STOX1: variants seen among roughly 807,000 people sequenced by gnomAD.
STOX1 encodes storkhead-box protein 1.
In STOX1, 57 loss-of-function variants were observed where a neutral mutation model predicts 74.8. The observed-to-expected ratio is 0.76, with a 90% CI of 0.62 to 0.95. The LOEUF is 0.95. STOX1 is among the 40% of genes least tolerant of loss of function. STOX1 has a pLI of 0.00. For missense variants in STOX1, 1,010 were observed against 1,117.0 expected (o/e 0.90, Z 1.37); for synonymous variants, 375 against 401.3 (o/e 0.93, Z 0.78).
Position 68,844,360 on chromosome 10 carries a change from G to A in STOX1, c.310+16427G>A, listed in dbSNP as rs1019679257. 1.7e-3 allele frequency among the ~76,000 whole-genome samples: 245 copies of A among 144,368 alleles called. 7 individuals carry two copies. The highest frequency in any genetic ancestry group is 5.2e-4 in the Non-Finnish European group (35 of 66,842). 94.7% of individuals were successfully genotyped at this position (144,368 alleles called of 152,430 possible). On this transcript the variant is annotated intron_variant, in intron 1 of 3. Transcript: ENST00000298596. ...GTCACCCACACTGGAGTGCAATGGC[G>A]TGATCTTGGCTCACTGCAACCTCTG...
intron 1 of STOX1, among the ~76,000 whole-genome samples, chr10:68,855,923 G>A (rs965905963): frequency 6.6e-6 from 1 of 152,054 alleles, no homozygotes; most frequent in African/African-American, 2.4e-5. Context: ...GTCCTGCTGT[G>A]TTATGACATC....
chr10:68,890,620 A>T (rs1362513325), intron 3 of STOX1, among the ~76,000 whole-genome samples: 2 of 148,150 alleles, frequency 1.3e-5, no homozygotes, highest in African/African-American at 5.0e-5. Context: ...ACGTATCATT[A>T]CTTCTTTATT....
At chr10:68,862,797 C>G (rs1840292242) in intron 1 of STOX1, among the ~76,000 whole-genome samples, 1 of 152,064 alleles carries the variant, frequency 6.6e-6, no homozygotes, top group South Asian at 2.1e-4. Context: ...ATAATGATTC[C>G]ATAGGAATCG....
intron 1 of STOX1, among the ~76,000 whole-genome samples, chr10:68,862,858 A>G (rs1467599674): frequency 1.3e-5 from 2 of 152,042 alleles, no homozygotes; most frequent in African/African-American, 4.8e-5. Flanking sequence ...AAACAAGTAC[A>G]TTCATTTTTT....
intron 1 of STOX1, among the ~76,000 whole-genome samples, chr10:68,862,183 A>G (rs746469053): frequency 1.3e-4 from 20 of 152,110 alleles, no homozygotes; most frequent in African/African-American, 4.8e-4. Context: ...CAGTCCCATA[A>G]TAATTAAGAT....
intron 1 of STOX1, among the ~76,000 whole-genome samples, chr10:68,834,064 T>G (rs10762243): frequency 0.64 from 96,925 of 152,006 alleles, 31,541 homozygotes; most frequent in Non-Finnish European, 0.71. Flanking sequence ...AGGAGTTCTT[T>G]GTGCTTTGGG....
chr10:68,827,782 G>A lies in STOX1; in HGVS notation c.159G>A (p.Leu53=), dbSNP rs1589211015. 3.1e-5 allele frequency: 19 copies of A among 619,312 alleles called. No individual in the cohort carries two copies. Among genetic ancestry groups the A allele is most frequent in the Non-Finnish European group, 3.6e-5 (19 of 521,952 alleles). The allele number at this position is 619,312 out of a possible 1,614,324, so 38.4% of individuals were successfully genotyped here. ...CGCGCTGCTTCTGGAACGCGCGGCTGGCGCGCGCCGCCTCGCGGCTGGCCT... is the reference window on the plus strand; with the variant it reads ...CGCGCTGCTTCTGGAACGCGCGGCTAGCGCGCGCCGCCTCGCGGCTGGCCT... ...ANARCFWNAR[L]ARAASRLAFQ... The change falls in exon 1 of 4, where the codon CTG becomes CTA. Residue 53 remains leucine (L), a synonymous_variant. Coordinates refer to ENST00000298596, the MANE Select transcript of STOX1 (RefSeq NM_152709.5).
At chr10:68,883,806 C>T (rs1468845923) in intron 2 of STOX1, among the ~76,000 whole-genome samples, 1 of 143,558 alleles carries the variant, frequency 7.0e-6, no homozygotes, top group Non-Finnish European at 1.5e-5. Context: ...GTTTGTTGCC[C>T]AGGCTGGAGT....
intron 1 of STOX1, among the ~76,000 whole-genome samples, chr10:68,852,610 G>A (rs546599505): frequency 2.0e-5 from 3 of 150,904 alleles, no homozygotes; most frequent in Non-Finnish European, 4.4e-5. Flanking sequence ...CCAAGACAGG[G>A]TCTCAATCTA....
intron 1 of STOX1, among the ~76,000 whole-genome samples, chr10:68,836,606 C>T (rs1045015637): frequency 5.9e-5 from 9 of 152,152 alleles, no homozygotes; most frequent in African/African-American, 1.9e-4. Flanking sequence ...TGCCTGGTGT[C>T]GGAGAAGGAG....
chr10:68,890,698 TGC>T (rs1841078483), intron 3 of STOX1, among the ~76,000 whole-genome samples: 1 of 148,986 alleles, frequency 6.7e-6, no homozygotes, highest in Non-Finnish European at 1.5e-5. Flanking sequence ...TCACCCAGGC[TGC>T]AGTGCAGTAG....
Position 68,885,039 on chromosome 10 carries a change from A to G in STOX1, c.1243A>G (p.Arg415Gly), listed in dbSNP as rs781069401. The G allele has an allele frequency of 1.2e-6, 2 of 1,614,188 alleles. No homozygotes were observed. The highest frequency in any genetic ancestry group is 8.5e-7 in the Non-Finnish European group (1 of 1,180,036). ...TCCTTCAAAAGAGGGGGTTAAGAAA[A>G]GGCAGGGTCTGTCTGCAAAACCTCA... The part of the protein sequence containing the change: ...KYPSKEGVKK[R>G]QGLSAKPQGQ... Residue 415 changes from arginine to glycine, a missense_variant, in exon 3 of 4, where the codon AGG becomes GGG. Arg to Gly is a moderately radical substitution (Grantham distance 125, BLOSUM62 -2). Transcript: ENST00000298596.
chr10:68,860,585 A>G (rs956900894), intron 1 of STOX1, among the ~76,000 whole-genome samples: 2 of 151,414 alleles, frequency 1.3e-5, no homozygotes, highest in African/African-American at 2.4e-5. Flanking sequence ...AAAAAAAAAA[A>G]AAAAAAAGGT....
In STOX1 at chr10:68,882,793, G is replaced by A. The variant is rs552777043; in HGVS notation, c.463+683G>A. On this transcript the variant is annotated intron_variant, in intron 2 of 3. Coordinates refer to ENST00000298596, the MANE Select transcript of STOX1 (RefSeq NM_152709.5). ...ATTACAGGCAAGGGCCACCATGCCC[G>A]GCATAAATTGGATCATTCTATACAT... Among the ~76,000 whole-genome samples, 22 of 152,204 alleles carry A rather than the reference G, an allele frequency of 1.4e-4. No individual in the cohort carries two copies. In the South Asian group the frequency reaches 2.9e-3, roughly 20 times the overall value.
At position 68,881,960 on chromosome 10, in the gene STOX1, G is replaced by A. The variant is rs777053451; in HGVS notation, c.313G>A (p.Asp105Asn). The part of the protein sequence containing the change: ...PRGFRIRAVG[D>N]VFPVQMNPIT... ...TTTTTTTTAAATCTCCAATTTAGGT[G>A]ATGTCTTTCCAGTGCAAATGAATCC... Residue 105 changes from aspartate (D) to asparagine (N), a missense_variant and splice_region_variant, in exon 2 of 4, where the codon GAT (aspartate) becomes AAT (asparagine). By Grantham distance (23) the Asp-to-Asn change is conservative. Transcript: ENST00000298596. 6.2e-7 allele frequency: 1 copy of A among 1,613,326 alleles called. No individual in the cohort carries two copies. Among genetic ancestry groups the A allele is most frequent in the Admixed American group, 1.7e-5 (1 of 59,976 alleles).
chr10:68,887,866 A>G (rs1431728744), intron 3 of STOX1, among the ~76,000 whole-genome samples: 1 of 152,084 alleles, frequency 6.6e-6, no homozygotes, highest in African/African-American at 2.4e-5. Flanking sequence ...AAGTGCTGCA[A>G]TTACAGGCGT....
intron 1 of STOX1, among the ~76,000 whole-genome samples, chr10:68,873,246 C>T (rs1020356648): frequency 5.5e-5 from 8 of 146,138 alleles, no homozygotes; most frequent in African/African-American, 1.8e-4. Flanking sequence ...GGCCTGTGCC[C>T]AAACAAGAGC....
At chr10:68,860,048 A>G (rs1197748500) in intron 1 of STOX1, among the ~76,000 whole-genome samples, 2 of 151,606 alleles carry the variant, frequency 1.3e-5, no homozygotes, top group South Asian at 2.1e-4. Context: ...TCCCAGCACT[A>G]TGGGAGGTCG....
At position 68,886,377 on chromosome 10, in the gene STOX1, A is replaced by G; in HGVS notation, c.2581A>G (p.Arg861Gly). ...AAGAATCTTTGATTACTATAGCGCA[A>G]GAAAAGCCAGTTTTGAAGCTGAAGT... ...DERIFDYYSA[R>G]KASFEAEVIQ... is the part of the protein sequence containing the mutation. Residue 861 changes from arginine to glycine, a missense_variant, in exon 3 of 4, where the codon AGA (arginine) becomes GGA (glycine). Coordinates refer to ENST00000298596, the MANE Select transcript of STOX1 (RefSeq NM_152709.5). The G allele has an allele frequency of 6.2e-7, 1 of 1,614,234 alleles. No individual in the cohort carries two copies. Among genetic ancestry groups the G allele is most frequent in the Non-Finnish European group, 8.5e-7 (1 of 1,180,038 alleles).
Sources: allele counts gnomAD v4.1 joint callset (sites outside exome capture counted in the v4.1 genomes callset), GRCh38; gene constraint gnomAD v4.1.1; transcripts MANE v1.5; gene names NCBI Gene and HGNC (gene_info 2026-07-23, HGNC 2026-07-21).